Variants in LZTS1 observed in about 807,000 individuals in gnomAD.
LZTS1 encodes leucine zipper putative tumor suppressor 1.
In LZTS1, 31 loss-of-function variants were observed where a neutral mutation model predicts 45.8. That is an observed-to-expected ratio of 0.68 (90% CI 0.51 to 0.91). The LOEUF (loss-of-function observed/expected upper bound fraction) is 0.91, where lower values mean the gene tolerates loss of function less well. Ranked by LOEUF, LZTS1 falls within the 40% of genes least tolerant of loss-of-function variation. LZTS1 has a pLI of 0.00. For missense variants in LZTS1, 821 were observed against 788.9 expected (o/e 1.04, Z -0.49); for synonymous variants, 359 against 357.3 (o/e 1.00, Z -0.05).
At chr8:20,296,052 C>T (rs781172999) in intron 1 of LZTS1, among the ~76,000 whole-genome samples, 15 of 152,162 alleles carry the variant, frequency 9.9e-5, no homozygotes, top group Admixed American at 4.6e-4. Flanking sequence ...ATGCTGCCAG[C>T]GAATAATGAC....
intron 1 of LZTS1, among the ~76,000 whole-genome samples, chr8:20,267,066 C>T (rs1309733093): frequency 2.0e-5 from 3 of 150,344 alleles, no homozygotes; most frequent in Admixed American, 6.6e-5. Flanking sequence ...CAAGATCGCA[C>T]CACTGCATTC....
At position 20,253,596 on chromosome 8, in the gene LZTS1, A is replaced by C; in HGVS notation, c.346-11T>G. 6.9e-7 allele frequency: 1 copy of C among 1,440,492 alleles called. No homozygotes were observed. The highest frequency in any genetic ancestry group is 9.1e-7 in the Non-Finnish European group (1 of 1,098,966). The allele number at this position is 1,440,492 out of a possible 1,614,324, so 89.2% of individuals were successfully genotyped here. A position where few individuals can be genotyped will look rare whatever the true frequency, so the allele number is the denominator to read the frequency against. ...ACCCTTCTCGGAGCCCTGTAGAGGA[A>C]AAGGACCGCGGTGACTCATGCCTCC... On this transcript the variant is annotated splice_polypyrimidine_tract_variant and intron_variant, in intron 2 of 3. Coordinates refer to ENST00000381569, the MANE Select transcript of LZTS1 (RefSeq NM_021020.5).
chr8:20,257,975 AT>A (rs11402448), intron 1 of LZTS1, among the ~76,000 whole-genome samples: 11 of 150,568 alleles, frequency 7.3e-5, no homozygotes, highest in Non-Finnish European at 1.0e-4. Flanking sequence ...GACTGGGCAC[AT>A]TTTTTTTTTA....
At chr8:20,266,600 A>AT (rs1800361471) in intron 1 of LZTS1, among the ~76,000 whole-genome samples, 1 of 139,574 alleles carries the variant, frequency 7.2e-6, no homozygotes, top group East Asian at 2.7e-4. Context: ...TTGGACCAAG[A>AT]CAAAAAAAAA....
At chr8:20,301,733 T>G (rs1017190015) in intron 1 of LZTS1, among the ~76,000 whole-genome samples, 18 of 152,108 alleles carry the variant, frequency 1.2e-4, no homozygotes, top group African/African-American at 4.3e-4. Context: ...AAGCATTGGC[T>G]TTCCCCAGGG....
At chr8:20,255,678 G>A (rs1337190487) in intron 1 of LZTS1, among the ~76,000 whole-genome samples, 3 of 152,064 alleles carry the variant, frequency 2.0e-5, no homozygotes, top group South Asian at 2.1e-4. Context: ...CCAGTGCTGC[G>A]GGGGAAACTG....
chr8:20,291,263 G>A (rs1176000776), intron 1 of LZTS1, among the ~76,000 whole-genome samples: 1 of 151,964 alleles, frequency 6.6e-6, no homozygotes, highest in Non-Finnish European at 1.5e-5. Context: ...AGATAAGAGG[G>A]TAAGGAGGTA....
chr8:20,294,761 A>AGTGTG (rs1563901093), intron 1 of LZTS1, among the ~76,000 whole-genome samples: 1 of 151,914 alleles, frequency 6.6e-6, no homozygotes, highest in Non-Finnish European at 1.5e-5. Context: ...AGCTACCCTG[A>AGTGTG]GTGTGTAGAT....
At chr8:20,288,231 G>A (rs973338833) in intron 1 of LZTS1, among the ~76,000 whole-genome samples, 2 of 152,092 alleles carry the variant, frequency 1.3e-5, no homozygotes, top group South Asian at 2.1e-4. Flanking sequence ...TGAAATCACC[G>A]CCTCGCTGCA....
chr8:20,286,289 C>T (rs946802268), intron 1 of LZTS1, among the ~76,000 whole-genome samples: 1 of 152,122 alleles, frequency 6.6e-6, no homozygotes, highest in Non-Finnish European at 1.5e-5. Flanking sequence ...TCGTAAATCT[C>T]TAATAGAAAA....
At chr8:20,263,204 C>G (rs752454718) in intron 1 of LZTS1, among the ~76,000 whole-genome samples, 1 of 152,168 alleles carries the variant, frequency 6.6e-6, no homozygotes, top group Non-Finnish European at 1.5e-5. Flanking sequence ...GCCTACCCCA[C>G]GACCGCCTTG....
At chr8:20,277,199 A>C (rs1800601806) in intron 1 of LZTS1, among the ~76,000 whole-genome samples, 1 of 152,214 alleles carries the variant, frequency 6.6e-6, no homozygotes. Flanking sequence ...TTATATGCTA[A>C]TTATAGTGCA....
At chr8:20,254,684 G>A (rs1800044510) in intron 2 of LZTS1, among the ~76,000 whole-genome samples, 153 bp downstream of exon 2, 1 of 152,158 alleles carries the variant, frequency 6.6e-6, no homozygotes, top group South Asian at 2.1e-4. Flanking sequence ...CTGCGGTGTG[G>A]CCACAGGCTT....
At chr8:20,264,900 G>A (rs1228942599) in intron 1 of LZTS1, among the ~76,000 whole-genome samples, 1 of 152,204 alleles carries the variant, frequency 6.6e-6, no homozygotes, top group African/African-American at 2.4e-5. Flanking sequence ...ACGGGAGAAA[G>A]AGCAGCCCCT....
chr8:20,280,833 A>G (rs748415048), intron 1 of LZTS1, among the ~76,000 whole-genome samples: 1 of 152,066 alleles, frequency 6.6e-6, no homozygotes, highest in Non-Finnish European at 1.5e-5. Context: ...TTCCACCTGG[A>G]CATTAGCCTG....
intron 1 of LZTS1, chr8:20,289,094 G>A (rs869109914): frequency 6.6e-6 from 1 of 150,728 alleles, no homozygotes; most frequent in Non-Finnish European, 1.5e-5. Flanking sequence ...TCACAAGGCC[G>A]TGGGCTCTAT....
In LZTS1 at chr8:20,252,276, G is replaced by A. The variant is rs917357499; in HGVS notation, c.1149+506C>T. 3.3e-5 allele frequency among the ~76,000 whole-genome samples: 5 copies of A among 152,272 alleles called. No individual in the cohort carries two copies. The South Asian group carries it at 1.0e-3, about 32-fold the overall frequency. ...GGTTTCCATCTCAGCTCACCAAATA[G>A]AAGTTCCACTTACACTTCAGCAAGG... is the stretch of plus-strand genomic sequence containing the variant. On this transcript the variant is annotated intron_variant, in intron 3 of 3. Coordinates refer to ENST00000381569, the MANE Select transcript of LZTS1 (RefSeq NM_021020.5).
rs182793072 is a variant in LZTS1 at position 20,252,744 on chromosome 8, G to A, written c.1149+38C>T. On this transcript the variant is annotated intron_variant, in intron 3 of 3. Transcript: ENST00000381569. ...GAGAGGGGGGTACTGGCGCCAAACC[G>A]CTGACCACCCAAACCCATGAGCCCT... 135 of 1,475,304 alleles carry A rather than the reference G, an allele frequency of 9.2e-5. No individual in the cohort carries two copies. The African/African-American group carries it at 1.6e-3, about 17-fold the overall frequency. 91.4% of individuals were successfully genotyped at this position (1,475,304 alleles called of 1,614,324 possible). A position where few individuals can be genotyped will look rare whatever the true frequency, so the allele number is the denominator to read the frequency against.
At chr8:20,294,877 T>G (rs896298613) in intron 1 of LZTS1, among the ~76,000 whole-genome samples, 1 of 151,694 alleles carries the variant, frequency 6.6e-6, no homozygotes, top group Non-Finnish European at 1.5e-5. Context: ...CTCTGGAAGG[T>G]CAAGGGCAGC....
Sources: allele counts gnomAD v4.1 joint callset (sites outside exome capture counted in the v4.1 genomes callset), GRCh38; gene constraint gnomAD v4.1.1; transcripts MANE v1.5; gene names NCBI Gene and HGNC (gene_info 2026-07-23, HGNC 2026-07-21).